Variants in NMNAT1 observed in about 807,000 individuals in gnomAD.
NMNAT1 encodes the protein nicotinamide/nicotinic acid mononucleotide adenylyltransferase 1.
A neutral mutation model predicts 16.7 loss-of-function variants in NMNAT1; 11 were observed. The ratio of observed to expected loss-of-function variants is 0.66; its 90% CI spans 0.41 to 1.09. The LOEUF is 1.09. Ranked by LOEUF, NMNAT1 falls within the 50% of genes least tolerant of loss-of-function variation. The pLI is 0.00. For synonymous variants in NMNAT1, 110 were observed against 119.8 expected (o/e 0.92, Z 0.53); for missense variants, 280 against 332.3 (o/e 0.84, Z 1.22).
At position 9,975,605 on chromosome 1, in the gene NMNAT1, T is replaced by C; in HGVS notation, c.129T>C (p.Val43=). 6.2e-7 allele frequency: 1 copy of C among 1,611,860 alleles called. No homozygotes were observed. Among genetic ancestry groups the C allele is most frequent in the Non-Finnish European group, 8.5e-7 (1 of 1,179,168 alleles). ...CTTTTTATCTAGGAAGGTACACAGTTGTCAAAGGCATCATCTCTCCTGTTG... is the reference window on the plus strand; with the variant it reads ...CTTTTTATCTAGGAAGGTACACAGTCGTCAAAGGCATCATCTCTCCTGTTG... The part of the protein sequence containing the change: ...DYMNGTGRYT[V]VKGIISPVGD... The change falls in exon 3 of 5, where the codon GTT becomes GTC. Residue 43 remains valine, a synonymous_variant. Coordinates refer to ENST00000377205, the MANE Select transcript of NMNAT1 (RefSeq NM_022787.4).
the NMNAT1 span, among the ~76,000 whole-genome samples, chr1:9,993,296 C>G: frequency 6.6e-6 from 1 of 151,894 alleles, no homozygotes; most frequent in South Asian, 2.1e-4. Flanking sequence ...CTGACCGATA[C>G]GGTGAAACCT....
downstream of NMNAT1, among the ~76,000 whole-genome samples, chr1:9,989,375 T>C (rs1388451054): frequency 6.6e-6 from 1 of 151,858 alleles, no homozygotes; most frequent in Admixed American, 6.6e-5. Flanking sequence ...CGAGAATCAC[T>C]TCAACCCAGG....
chr1:9,960,295 AAAAACAAAAAC>A (rs1326569535), intron 1 of NMNAT1, among the ~76,000 whole-genome samples: 2 of 127,438 alleles, frequency 1.6e-5, no homozygotes, highest in African/African-American at 6.1e-5. Context: ...TAAAAAAAAC[AAAAACAAAAAC>A]AAAAAAACCC....
chr1:9,944,036 C>G (rs1244732815), intron 1 of NMNAT1, among the ~76,000 whole-genome samples: 1 of 151,762 alleles, frequency 6.6e-6, no homozygotes, highest in African/African-American at 2.4e-5. Context: ...AGGCGGATCA[C>G]GAGGTCAGGA....
chr1:9,957,835 C>T (rs1283720933), intron 1 of NMNAT1, among the ~76,000 whole-genome samples: 7 of 151,956 alleles, frequency 4.6e-5, no homozygotes, highest in East Asian at 1.9e-4. Context: ...AGACTGTTTC[C>T]GCTAAGAATA....
At chr1:9,947,934 C>A (rs1641016195) in intron 1 of NMNAT1, among the ~76,000 whole-genome samples, 1 of 152,192 alleles carries the variant, frequency 6.6e-6, no homozygotes, top group Non-Finnish European at 1.5e-5. Context: ...CATGTCACTC[C>A]TCTGCTCAAA....
At chr1:9,967,780 G>T (rs1484847437) in intron 1 of NMNAT1, among the ~76,000 whole-genome samples, 3 of 151,982 alleles carry the variant, frequency 2.0e-5, no homozygotes, top group Admixed American at 1.3e-4. Flanking sequence ...AGGAGTTTGA[G>T]ACCAGCCTGG....
At chr1:9,979,490 A>G (rs1641888185) in intron 3 of NMNAT1, among the ~76,000 whole-genome samples, 1 of 151,676 alleles carries the variant, frequency 6.6e-6, no homozygotes, top group African/African-American at 2.4e-5. Flanking sequence ...AAAAACCCCA[A>G]AACATTCACT....
intron 1 of NMNAT1, among the ~76,000 whole-genome samples, chr1:9,960,306 C>CA (rs1247120131): frequency 1.4e-5 from 2 of 147,332 alleles, no homozygotes; most frequent in Non-Finnish European, 3.0e-5. Flanking sequence ...AAAACAAAAA[C>CA]AAAAAAACCC....
the NMNAT1 span, among the ~76,000 whole-genome samples, chr1:9,993,220 T>G: frequency 6.6e-6 from 1 of 152,110 alleles, no homozygotes; most frequent in South Asian, 2.1e-4. Context: ...GGCTCGCACC[T>G]GTAATTCCAG....
intron 1 of NMNAT1, among the ~76,000 whole-genome samples, chr1:9,971,467 C>T (rs1436729275): frequency 6.6e-6 from 1 of 152,016 alleles, no homozygotes; most frequent in Non-Finnish European, 1.5e-5. Flanking sequence ...GTGCCTGTCA[C>T]CACACCCAGC....
At chr1:9,946,857 G>T (rs1640992658) in intron 1 of NMNAT1, among the ~76,000 whole-genome samples, 1 of 152,106 alleles carries the variant, frequency 6.6e-6, no homozygotes, top group Admixed American at 6.6e-5. Flanking sequence ...TACAAGACAG[G>T]AACAGAGCTG....
At chr1:9,962,482 A>G (rs1570691916) in intron 1 of NMNAT1, among the ~76,000 whole-genome samples, 1 of 124,140 alleles carries the variant, frequency 8.1e-6, no homozygotes, top group African/African-American at 3.0e-5. Context: ...ACTCCGTCTG[A>G]AAAAAAAAAA....
chr1:9,969,855 A>G (rs6683452), intron 1 of NMNAT1, among the ~76,000 whole-genome samples: 119,566 of 152,138 alleles, frequency 0.79, 49,601 homozygotes, highest in Non-Finnish European at 0.92. Flanking sequence ...TGAATGTTAC[A>G]AGTTTCCAGA....
At chr1:9,945,053 G>A (rs1192275582) in intron 1 of NMNAT1, among the ~76,000 whole-genome samples, 5 of 152,180 alleles carry the variant, frequency 3.3e-5, no homozygotes, top group South Asian at 2.1e-4. Flanking sequence ...GGCCAACATG[G>A]TGAAACCCCA....
At chr1:9,946,177 A>G (rs1356598089) in intron 1 of NMNAT1, among the ~76,000 whole-genome samples, 2 of 152,216 alleles carry the variant, frequency 1.3e-5, no homozygotes, top group Non-Finnish European at 2.9e-5. Flanking sequence ...GTCATTCAGC[A>G]GTTCTATGCT....
intron 2 of NMNAT1, among the ~76,000 whole-genome samples, chr1:9,973,985 A>G (rs565406661): frequency 6.6e-6 from 1 of 151,664 alleles, no homozygotes; most frequent in Non-Finnish European, 1.5e-5. Context: ...TTACAGGCAC[A>G]CAGCACCATG....
At chr1:9,943,160 G>C (rs1295433371), upstream of NMNAT1, 2 of 176,902 alleles carry the variant, frequency 1.1e-5, no homozygotes, top group Non-Finnish European at 2.5e-5. Flanking sequence ...CCGGCACGTA[G>C]GTCCCGCGGC....
intron 4 of NMNAT1, chr1:9,981,432 G>A: frequency 3.1e-6 from 1 of 325,642 alleles, no homozygotes; most frequent in Non-Finnish European, 5.7e-6. Flanking sequence ...AGACGGGGTT[G>A]CACCATGTTA....
Sources: gnomAD v4.1 joint callset for allele counts (sites outside exome capture counted in the v4.1 genomes callset) on GRCh38, gnomAD v4.1.1 for gene constraint, MANE v1.5 for transcripts, NCBI Gene and HGNC (gene_info 2026-07-23, HGNC 2026-07-21) for gene names.